Variants in CEP162 observed in about 807,000 individuals in gnomAD.
The protein encoded by CEP162 is centrosomal protein of 162 kDa.
In CEP162, 141 loss-of-function variants were observed where a neutral mutation model predicts 169.2. That is an observed-to-expected ratio of 0.83 (90% CI 0.73 to 0.96). CEP162 has a LOEUF of 0.96. Among genes scored for constraint, CEP162 ranks in the 40% least tolerant of loss-of-function variants. The probability of loss-of-function intolerance (pLI) is 0.00; values close to 1 mark genes in which losing one functional copy is unlikely to be tolerated. For synonymous variants in CEP162, 540 were observed against 526.4 expected (o/e 1.03, Z -0.35); for missense variants, 1,600 against 1,587.2 (o/e 1.01, Z -0.14).
rs183652845 is a variant in CEP162, at chr6:84,207,221, T to C, written c.572-3125A>G. 1.6e-3 allele frequency among the ~76,000 whole-genome samples: 242 copies of C among 152,334 alleles called. 1 individual carries two copies. The highest frequency in any genetic ancestry group is 5.2e-3 in the African/African-American group (217 of 41,582). The stretch of plus-strand genomic sequence containing the variant: ...GACCCAGCGATCCCATTACTGGGTA[T>C]ATACCCAAAGGATTATAAATTATGC... On this transcript the variant is annotated intron_variant, in intron 6 of 26. Coordinates refer to ENST00000403245, the MANE Select transcript of CEP162 (RefSeq NM_014895.4).
chr6:84,146,951 AAAAAT>A (rs1278568374), intron 24 of CEP162, among the ~76,000 whole-genome samples, 166 bp from the exon 25 acceptor site: 1 of 152,144 alleles, frequency 6.6e-6, no homozygotes, highest in Non-Finnish European at 1.5e-5. Context: ...TCAAAAAACT[AAAAAT>A]AGAATTACCG....
rs2129218347 is a variant in CEP162 at position 84,171,662 on chromosome 6, A to T, written c.2223T>A (p.Asn741Lys). The T allele has an allele frequency of 6.4e-7, 1 of 1,554,416 alleles. No individual in the cohort carries two copies. Among genetic ancestry groups the T allele is most frequent in the East Asian group, 2.3e-5 (1 of 42,986 alleles). The change falls in exon 17 of 27, where the codon AAT (asparagine) becomes AAA (lysine). Residue 741 changes from asparagine (N) to lysine (K), a missense_variant. Physicochemically the swap from Asn to Lys is moderately conservative, Grantham distance 94 (BLOSUM62 0). Transcript: ENST00000403245. ...VKDLQEQNKK[N>K]EERMFKENQS... ...GGTTTTCCTTAAACATTCGCTCCTC[A>T]TTTTTCTTGTTTTGTTCTTGGAGAT...
At chr6:84,173,983 C>T in intron 16 of CEP162, 65 bp downstream of exon 16, 1 of 1,408,922 alleles carries the variant, frequency 7.1e-7, no homozygotes, top group Non-Finnish European at 9.9e-7. Context: ...CTGTGCCTGG[C>T]CTGCCTTATT....
chr6:84,175,495 T>C, intron 13 of CEP162, 148 bp from the exon 14 acceptor site: 1 of 541,316 alleles, frequency 1.8e-6, no homozygotes, highest in East Asian at 3.3e-5. Flanking sequence ...ACACAGCTGT[T>C]TCACTATAAC....
rs116298115 is a variant in CEP162 at position 84,195,123 on chromosome 6, T to C, written c.836-48A>G. The C allele has an allele frequency of 1.5e-3, 2,074 of 1,375,188 alleles. 30 individuals are homozygous for C. In the African/African-American group the frequency reaches 0.027, roughly 18 times the overall value. 85.2% of individuals were successfully genotyped at this position (1,375,188 alleles called of 1,614,324 possible). ...CAGAAATAATTACATCACAAATACATGAGAACGATAAAACACTAATATCAT... is the reference window on the plus strand; with the variant it reads ...CAGAAATAATTACATCACAAATACACGAGAACGATAAAACACTAATATCAT... On this transcript the variant is annotated intron_variant, in intron 9 of 26. Coordinates refer to ENST00000403245, the MANE Select transcript of CEP162 (RefSeq NM_014895.4).
intron 11 of CEP162, among the ~76,000 whole-genome samples, chr6:84,189,496 G>C (rs1001398576): frequency 1.3e-5 from 2 of 152,204 alleles, no homozygotes; most frequent in Non-Finnish European, 2.9e-5. Context: ...CTGGGCAATG[G>C]GGGACTTAGC....
intron 25 of CEP162, among the ~76,000 whole-genome samples, chr6:84,131,631 T>TCTGATAAA (rs2099511477): frequency 6.6e-6 from 1 of 152,086 alleles, no homozygotes; most frequent in Non-Finnish European, 1.5e-5. Context: ...TGGTTTAAAG[T>TCTGATAAA]CTTTTTTATC....
chr6:84,201,472 T>A (rs1346762803), intron 8 of CEP162, among the ~76,000 whole-genome samples: 4 of 152,066 alleles, frequency 2.6e-5, no homozygotes, highest in Non-Finnish European at 5.9e-5. Context: ...TAGGCTAACA[T>A]CAACATACAT....
At chr6:84,181,483 A>G (rs1047630194) in intron 13 of CEP162, among the ~76,000 whole-genome samples, 3 of 152,222 alleles carry the variant, frequency 2.0e-5, no homozygotes, top group Admixed American at 1.3e-4. Context: ...AATGGCAACA[A>G]AAGTCAAAAT....
At chr6:84,199,623 G>T (rs1404834357) in intron 9 of CEP162, among the ~76,000 whole-genome samples, 2 of 149,878 alleles carry the variant, frequency 1.3e-5, no homozygotes, top group Non-Finnish European at 3.0e-5. Flanking sequence ...GTTGGTTAGC[G>T]ATTTCTATTA....
intron 9 of CEP162, among the ~76,000 whole-genome samples, chr6:84,196,932 T>G (rs145256912): frequency 2.0e-5 from 3 of 152,278 alleles, no homozygotes; most frequent in Admixed American, 6.5e-5. Context: ...CTGTCAACAG[T>G]TGAAGGGCAG....
chr6:84,202,350 C>A lies in CEP162; in HGVS notation c.688-583G>T, dbSNP rs1455173136. On this transcript the variant is annotated intron_variant, in intron 7 of 26. Transcript: ENST00000403245. ...TTGGGTAGGCAGTTTGTGGGACCTT[C>A]CAATAACAGAGCTTTAATCCCTTCC... 2.0e-5 allele frequency among the ~76,000 whole-genome samples: 3 copies of A among 152,168 alleles called. No homozygotes were observed. In the East Asian group the frequency reaches 5.8e-4, roughly 29 times the overall value.
At position 84,144,628 on chromosome 6, in the gene CEP162, C is replaced by T. The variant is rs75623263; in HGVS notation, c.3870+2059G>A. Among the ~76,000 whole-genome samples, 1,003 of 152,116 alleles carry T rather than the reference C, an allele frequency of 6.6e-3. 7 individuals carry two copies. The highest frequency in any genetic ancestry group is 0.023 in the African/African-American group (954 of 41,518). On this transcript the variant is annotated intron_variant, in intron 25 of 26. Coordinates refer to ENST00000403245, the MANE Select transcript of CEP162 (RefSeq NM_014895.4). ...TAACTTCAAGATCATACCATTTGGC[C>T]AGGTAAGAATTTTTCAGAATTCTAA...
In CEP162 at chr6:84,186,360, G is replaced by A; in HGVS notation, c.1373C>T (p.Ser458Leu). 1 of 1,446,754 alleles carries A rather than the reference G, an allele frequency of 6.9e-7. No homozygotes were observed. The highest frequency in any genetic ancestry group is 9.7e-7 in the Non-Finnish European group (1 of 1,029,540). 89.6% of individuals were successfully genotyped at this position (1,446,754 alleles called of 1,614,324 possible). A position where few individuals can be genotyped will look rare whatever the true frequency, so the allele number is the denominator to read the frequency against. ...LRKKITVNSSSLSQDDKINKT... is the reference protein window; with the variant it reads ...LRKKITVNSSLLSQDDKINKT... ...ATTAATTTTGTCATCCTGAGATAAT[G>A]ATGAAGAATTAACAGTTATTTTTTT... The change falls in exon 12 of 27, where the codon TCA (serine) becomes TTA (leucine). Residue 458 changes from serine to leucine, a missense_variant. Ser to Leu is a moderately radical substitution (Grantham distance 145). Transcript: ENST00000403245.
intron 24 of CEP162, among the ~76,000 whole-genome samples, chr6:84,148,447 T>G (rs556914215): frequency 1.5e-3 from 222 of 152,242 alleles, no homozygotes; most frequent in Non-Finnish European, 2.3e-3. Context: ...AAGAATCGCT[T>G]GAACCTGGGA....
In CEP162 at chr6:84,149,580, A is replaced by G; in HGVS notation, c.3753T>C (p.Arg1251=). The change falls in exon 24 of 27, where the codon CGT becomes CGC. Residue 1251 remains arginine (R), a synonymous_variant. Coordinates refer to ENST00000403245, the MANE Select transcript of CEP162 (RefSeq NM_014895.4). Reference sequence around the variant, plus strand: ...CATCTACCTCTTGAGTTGCTATTTTACGATTTAGTTCAGCTACTTTGGAAG... The same window carrying G: ...CATCTACCTCTTGAGTTGCTATTTTGCGATTTAGTTCAGCTACTTTGGAAG... The part of the protein sequence containing the change: ...NSSSKVAELN[R]KIATQEVLIR... 6.3e-7 allele frequency: 1 copy of G among 1,594,472 alleles called. No individual in the cohort carries two copies. The highest frequency in any genetic ancestry group is 8.5e-7 in the Non-Finnish European group (1 of 1,171,288).
chr6:84,176,920 C>A (rs2099532649), intron 13 of CEP162, among the ~76,000 whole-genome samples: 1 of 151,544 alleles, frequency 6.6e-6, no homozygotes, highest in Non-Finnish European at 1.5e-5. Context: ...CAGAGTCTCG[C>A]TCTGTTTCCC....
Position 84,153,166 on chromosome 6 carries a change from T to C in CEP162, c.3008A>G (p.Gln1003Arg). Residue 1003 changes from glutamine (Q) to arginine (R), a missense_variant, in exon 23 of 27, where the codon CAA becomes CGA. By Grantham distance (43) the Gln-to-Arg change is conservative (BLOSUM62 1). Coordinates refer to ENST00000403245, the MANE Select transcript of CEP162 (RefSeq NM_014895.4). ...QFQKMKIQYE[Q>R]RLEQQEQLLA... ...TAGCTGCTCCTGCTGCTCTAGTCTT[T>C]GTTCATACTGAATCTGAAGGAAAGA... The C allele has an allele frequency of 6.3e-7, 1 of 1,594,380 alleles. No individual in the cohort carries two copies. The highest frequency in any genetic ancestry group is 8.5e-7 in the Non-Finnish European group (1 of 1,174,094).
intron 9 of CEP162, among the ~76,000 whole-genome samples, chr6:84,198,073 A>G (rs550323526): frequency 6.6e-6 from 1 of 152,282 alleles, no homozygotes; most frequent in East Asian, 1.9e-4. Context: ...AAATAATTTC[A>G]TAAATAATAT....
Sources: allele counts gnomAD v4.1 joint callset (sites outside exome capture counted in the v4.1 genomes callset), GRCh38; gene constraint gnomAD v4.1.1; transcripts MANE v1.5; gene names NCBI Gene and HGNC (gene_info 2026-07-23, HGNC 2026-07-21).